RTTN: variants seen among roughly 807,000 people sequenced by gnomAD.
The protein encoded by RTTN is rotatin.
In RTTN, 182 loss-of-function variants were observed where a neutral mutation model predicts 269.2. The ratio of observed to expected loss-of-function variants is 0.68; its 90% CI spans 0.60 to 0.76. The LOEUF (loss-of-function observed/expected upper bound fraction) is 0.76, where lower values mean the gene tolerates loss of function less well. RTTN is among the 30% of genes least tolerant of loss of function. The pLI, the probability that RTTN is intolerant of heterozygous loss-of-function variation, is 0.00. For missense variants in RTTN, 2,545 were observed against 2,608.6 expected (o/e 0.98, Z 0.53); for synonymous variants, 1,006 against 963.5 (o/e 1.04, Z -0.82).
At chr18:70,167,480 G>C (rs568685244) in intron 12 of RTTN, among the ~76,000 whole-genome samples, 2 of 152,194 alleles carry the variant, frequency 1.3e-5, no homozygotes, top group African/African-American at 2.4e-5. Flanking sequence ...CCAGCACTTC[G>C]GGAGGCCGAG....
Position 70,095,063 on chromosome 18 carries a change from G to T in RTTN, c.3904-2259C>A, listed in dbSNP as rs1412440077. On this transcript the variant is annotated intron_variant, in intron 28 of 48. Transcript: ENST00000640769. ...TCCCTTTATCATTATGTAATGCCTT[G>T]TTTTTTTTTTTATCTTTGTTGGTTT... Among the ~76,000 whole-genome samples the T allele has an allele frequency of 4.0e-3, 578 of 144,550 alleles. 5 individuals are homozygous for T. Among genetic ancestry groups the T allele is most frequent in the African/African-American group, 0.014 (542 of 39,420 alleles). 94.8% of individuals were successfully genotyped at this position (144,550 alleles called of 152,430 possible).
At position 70,005,212 on chromosome 18, in the gene RTTN, G is replaced by C; in HGVS notation, c.6581C>G (p.Ser2194Cys). Residue 2194 changes from serine (S) to cysteine (C), a missense_variant, in exon 48 of 49, where the codon TCC (serine) becomes TGC (cysteine). Physicochemically the swap from Ser to Cys is moderately radical, Grantham distance 112 (BLOSUM62 -1). Transcript: ENST00000640769. The stretch of plus-strand genomic sequence containing the variant: ...TTGCAACTTACTTTTCTTTGCTAAG[G>C]AGTATGCTTCATCCACTCTTCTTTT... ...SVKRRVDEAY[S>C]LAKKTFPNSE... 6.2e-7 allele frequency: 1 copy of C among 1,611,468 alleles called. No homozygotes were observed. The highest frequency in any genetic ancestry group is 8.5e-7 in the Non-Finnish European group (1 of 1,178,414).
At chr18:70,174,584 C>T (rs2061237918) in intron 11 of RTTN, among the ~76,000 whole-genome samples, 1 of 151,202 alleles carries the variant, frequency 6.6e-6, no homozygotes, top group African/African-American at 2.4e-5. Flanking sequence ...AAAAAAGAAA[C>T]CTAAAAGCTT....
intron 23 of RTTN, 63 bp from the exon 24 acceptor site, chr18:70,128,609 G>C (rs969605191): frequency 3.3e-5 from 47 of 1,430,302 alleles, no homozygotes; most frequent in Middle Eastern, 1.8e-4. Flanking sequence ...TCAAAAAGAT[G>C]AGCCACAAAT....
chr18:70,065,681 T>C, intron 35 of RTTN, 148 bp downstream of exon 35: 1 of 445,344 alleles, frequency 2.2e-6, no homozygotes, highest in East Asian at 3.3e-5. Flanking sequence ...TATTAATTTC[T>C]GATATATTGG....
At chr18:70,052,850 T>C (rs904282071) in intron 38 of RTTN, among the ~76,000 whole-genome samples, 4 of 152,080 alleles carry the variant, frequency 2.6e-5, no homozygotes, top group African/African-American at 9.7e-5. Flanking sequence ...TTTAACCAGC[T>C]AATAGATATA....
intron 36 of RTTN, among the ~76,000 whole-genome samples, chr18:70,058,786 G>A (rs2057893349): frequency 7.0e-6 from 1 of 141,990 alleles, no homozygotes. Flanking sequence ...TCCAATCCGA[G>A]TAGGTACAGT....
intron 34 of RTTN, among the ~76,000 whole-genome samples, chr18:70,073,360 A>G (rs1568334311): frequency 6.6e-6 from 1 of 152,144 alleles, no homozygotes; most frequent in Non-Finnish European, 1.5e-5. Context: ...GGTATTCCAG[A>G]TAAACTTCTA....
chr18:70,029,695 C>A (rs1443707972), intron 42 of RTTN, among the ~76,000 whole-genome samples: 1 of 152,132 alleles, frequency 6.6e-6, no homozygotes, highest in East Asian at 1.9e-4. Context: ...TCCTAGTTAA[C>A]CTATGCTTGT....
Position 70,057,843 on chromosome 18 carries a change from C to A in RTTN, c.4941-11G>T. The A allele has an allele frequency of 6.3e-7, 1 of 1,599,010 alleles. No homozygotes were observed. Among genetic ancestry groups the A allele is most frequent in the South Asian group, 1.1e-5 (1 of 89,854 alleles). On this transcript the variant is annotated splice_polypyrimidine_tract_variant and intron_variant, in intron 36 of 48. Transcript: ENST00000640769. ...GTAGCATCTGCAATGCTGTGACGAT[C>A]AGAAAAAGAAAATCCTTCAGAAGAT...
At position 70,201,887 on chromosome 18, in the gene RTTN, T is replaced by C. The variant is rs769149132; in HGVS notation, c.487+7A>G. On this transcript the variant is annotated splice_region_variant and intron_variant, in intron 4 of 48. Coordinates refer to ENST00000640769, the MANE Select transcript of RTTN (RefSeq NM_173630.4). The stretch of plus-strand genomic sequence containing the variant: ...TCAACAGGATTTACTTCCCGACATA[T>C]ACACACCCACTGGTCGTGGCGGCAC... 6 of 1,571,050 alleles carry C rather than the reference T, an allele frequency of 3.8e-6. No individual in the cohort carries two copies. The highest frequency in any genetic ancestry group is 1.4e-5 in the African/African-American group (1 of 73,868).
chr18:70,086,468 G>T, intron 32 of RTTN, 145 bp downstream of exon 32: 2 of 718,410 alleles, frequency 2.8e-6, no homozygotes, highest in Non-Finnish European at 4.8e-6. Flanking sequence ...GTCGGCATAA[G>T]AACAAATTCT....
chr18:70,067,644 G>A (rs995338119), intron 34 of RTTN, among the ~76,000 whole-genome samples: 1 of 152,118 alleles, frequency 6.6e-6, no homozygotes, highest in Non-Finnish European at 1.5e-5. Flanking sequence ...AACTCTTTTG[G>A]TTGTATAAGA....
At chr18:70,017,852 A>G (rs1205654151) in intron 45 of RTTN, among the ~76,000 whole-genome samples, 178 bp from the exon 46 acceptor site, 1 of 152,234 alleles carries the variant, frequency 6.6e-6, no homozygotes, top group African/African-American at 2.4e-5. Context: ...AAAAGGTAAG[A>G]AGAACAAAAT....
At chr18:70,176,905 C>T (rs1177025170) in intron 10 of RTTN, 60 bp from the exon 11 acceptor site, 2 of 1,327,048 alleles carry the variant, frequency 1.5e-6, no homozygotes, top group Admixed American at 4.2e-5. Context: ...GGCCAGTATA[C>T]AAAAGCCATG....
chr18:70,037,295 C>T (rs1037481833), intron 40 of RTTN, among the ~76,000 whole-genome samples: 3 of 152,216 alleles, frequency 2.0e-5, no homozygotes, highest in African/African-American at 7.2e-5. Context: ...ACAGCCAGGG[C>T]AGCTAAGGGA....
At chr18:70,034,885 T>C (rs1302431199) in intron 40 of RTTN, among the ~76,000 whole-genome samples, 1 of 152,134 alleles carries the variant, frequency 6.6e-6, no homozygotes, top group Non-Finnish European at 1.5e-5. Context: ...GTCACTAACA[T>C]TCCTATATAC....
At chr18:70,127,766 G>A in intron 24 of RTTN, 25 bp from the exon 25 acceptor site, 2 of 1,581,032 alleles carry the variant, frequency 1.3e-6, no homozygotes, top group South Asian at 2.2e-5. Flanking sequence ...AAAAAATGAA[G>A]GAGGAACATA....
intron 14 of RTTN, among the ~76,000 whole-genome samples, chr18:70,158,285 G>A (rs569962336): frequency 6.6e-6 from 1 of 152,136 alleles, no homozygotes; most frequent in East Asian, 1.9e-4. Flanking sequence ...GAAAAGATTG[G>A]GGACCTATAA....
Sources: allele counts gnomAD v4.1 joint callset (sites outside exome capture counted in the v4.1 genomes callset), GRCh38; gene constraint gnomAD v4.1.1; transcripts MANE v1.5; gene names NCBI Gene and HGNC (gene_info 2026-07-23, HGNC 2026-07-21).